Variants in SLC35F1 observed in about 807,000 individuals in gnomAD.
The protein encoded by SLC35F1 is chromosome 6 open reading frame 169.
A neutral mutation model predicts 48.7 loss-of-function variants in SLC35F1; 14 were observed. The observed-to-expected ratio is 0.29, with a 90% CI of 0.19 to 0.45. The LOEUF (loss-of-function observed/expected upper bound fraction) is 0.45, where lower values mean the gene tolerates loss of function less well. SLC35F1 is among the 20% of genes least tolerant of loss of function. The pLI is 1.00. For missense variants in SLC35F1, 404 were observed against 500.0 expected (o/e 0.81, Z 1.83); for synonymous variants, 190 against 202.2 (o/e 0.94, Z 0.51).
intron 2 of SLC35F1, among the ~76,000 whole-genome samples, chr6:118,163,684 TG>T (rs1774274654): frequency 6.6e-6 from 1 of 152,190 alleles, no homozygotes; most frequent in African/African-American, 2.4e-5. Flanking sequence ...ATCTTTCATG[TG>T]GGAGATTGAA....
intron 1 of SLC35F1, among the ~76,000 whole-genome samples, chr6:118,080,603 G>C (rs1772893628): frequency 6.6e-6 from 1 of 152,214 alleles, no homozygotes; most frequent in African/African-American, 2.4e-5. Context: ...TGGCTTTGCT[G>C]TGACCTTAAT....
At chr6:118,257,311 G>GA (rs780626268) in intron 3 of SLC35F1, among the ~76,000 whole-genome samples, 20 of 151,042 alleles carry the variant, frequency 1.3e-4, no homozygotes, top group Non-Finnish European at 1.5e-4. Context: ...AAGTTTTGAG[G>GA]AAAAAAAAAC....
At chr6:117,980,187 A>G (rs928682478) in intron 1 of SLC35F1, among the ~76,000 whole-genome samples, 2 of 152,146 alleles carry the variant, frequency 1.3e-5, no homozygotes, top group Non-Finnish European at 2.9e-5. Flanking sequence ...GAGGGGGGAA[A>G]CTTCAGAAAT....
rs560042261 is a variant in SLC35F1 at position 118,087,945 on chromosome 6, G to C, written c.174-66500G>C. Among the ~76,000 whole-genome samples the C allele has an allele frequency of 3.8e-4, 58 of 152,252 alleles. 1 individual carries two copies. The highest frequency in any genetic ancestry group is 3.2e-3 in the Admixed American group (49 of 15,290). ...TGGTTTGGACCCAGAAACTGCTCAA[G>C]AAATACTGAATTGGTTTGAATCTTC... On this transcript the variant is annotated intron_variant, in intron 1 of 7. Coordinates refer to ENST00000360388, the MANE Select transcript of SLC35F1 (RefSeq NM_001029858.4).
intron 7 of SLC35F1, among the ~76,000 whole-genome samples, chr6:118,299,307 T>A: frequency 6.6e-6 from 1 of 152,158 alleles, no homozygotes; most frequent in East Asian, 1.9e-4. Context: ...ATGTAAACGT[T>A]TCCAAGGGCA....
intron 6 of SLC35F1, among the ~76,000 whole-genome samples, chr6:118,282,594 T>A (rs1258547039): frequency 6.6e-6 from 1 of 152,180 alleles, no homozygotes; most frequent in East Asian, 1.9e-4. Flanking sequence ...ACTGGACAGA[T>A]CCTTTTGGAT....
At chr6:118,162,348 A>G (rs1774248857) in intron 2 of SLC35F1, among the ~76,000 whole-genome samples, 1 of 152,188 alleles carries the variant, frequency 6.6e-6, no homozygotes, top group Non-Finnish European at 1.5e-5. Context: ...AGAATAGATC[A>G]GTGGTTTCCA....
At chr6:118,088,924 T>A (rs952934998) in intron 1 of SLC35F1, among the ~76,000 whole-genome samples, 3 of 152,186 alleles carry the variant, frequency 2.0e-5, no homozygotes, top group African/African-American at 7.2e-5. Flanking sequence ...GTAACTTAAG[T>A]AAGGACACCC....
chr6:118,293,787 T>C (rs1409005077), intron 7 of SLC35F1, among the ~76,000 whole-genome samples: 3 of 152,232 alleles, frequency 2.0e-5, no homozygotes, highest in African/African-American at 7.2e-5. Context: ...TTCAGGTATC[T>C]TGCTAGTATG....
intron 1 of SLC35F1, among the ~76,000 whole-genome samples, chr6:118,066,403 A>T (rs1772614089): frequency 6.6e-6 from 1 of 152,166 alleles, no homozygotes; most frequent in Non-Finnish European, 1.5e-5. Flanking sequence ...GCTCCAAGCT[A>T]TGGTCAGTAA....
At chr6:118,062,100 A>G (rs926485059) in intron 1 of SLC35F1, among the ~76,000 whole-genome samples, 2 of 152,144 alleles carry the variant, frequency 1.3e-5, no homozygotes, top group African/African-American at 4.8e-5. Flanking sequence ...ATTCATATGT[A>G]TATAACATTT....
chr6:118,163,198 A>C (rs936181270), intron 2 of SLC35F1, among the ~76,000 whole-genome samples: 1 of 151,974 alleles, frequency 6.6e-6, no homozygotes, highest in African/African-American at 2.4e-5. Context: ...TCCTGACCTC[A>C]AATGATCCAC....
chr6:118,302,306 C>T (rs920762166), intron 7 of SLC35F1, among the ~76,000 whole-genome samples: 5 of 152,130 alleles, frequency 3.3e-5, no homozygotes, highest in African/African-American at 9.6e-5. Flanking sequence ...GGGAAGGAAA[C>T]GCATGGGAGA....
At chr6:118,010,341 G>C (rs1777228094) in intron 1 of SLC35F1, among the ~76,000 whole-genome samples, 1 of 152,128 alleles carries the variant, frequency 6.6e-6, no homozygotes, top group South Asian at 2.1e-4. Context: ...TGTCTGCTCA[G>C]TTAGAGATGA....
intron 1 of SLC35F1, among the ~76,000 whole-genome samples, chr6:118,138,686 G>A (rs13210032): frequency 0.23 from 33,470 of 146,550 alleles, 4,119 homozygotes; most frequent in East Asian, 0.39. Flanking sequence ...ATTTTACATG[G>A]TGCACCTTGA....
intron 6 of SLC35F1, among the ~76,000 whole-genome samples, chr6:118,279,104 A>ATT (rs974855597): frequency 1.7e-4 from 26 of 152,204 alleles, no homozygotes; most frequent in African/African-American, 6.0e-4. Flanking sequence ...AGTAGGGTGA[A>ATT]TTTAGTTAAC....
At chr6:118,098,627 T>A (rs192863432) in intron 1 of SLC35F1, among the ~76,000 whole-genome samples, 9 of 152,286 alleles carry the variant, frequency 5.9e-5, no homozygotes, top group African/African-American at 1.9e-4. Context: ...TGTGTGCAGC[T>A]TACACCTTGC....
intron 2 of SLC35F1, among the ~76,000 whole-genome samples, chr6:118,224,551 T>C (rs980143781): frequency 6.6e-5 from 10 of 152,208 alleles, no homozygotes; most frequent in Admixed American, 4.6e-4. Flanking sequence ...CACTCATTTA[T>C]TTCTTACAAA....
intron 1 of SLC35F1, among the ~76,000 whole-genome samples, chr6:118,085,723 A>G (rs1207623599): frequency 2.7e-5 from 4 of 148,724 alleles, no homozygotes; most frequent in Non-Finnish European, 6.0e-5. Flanking sequence ...TAAATTAATT[A>G]TGATTATGTG....
Sources: gnomAD v4.1 joint callset for allele counts (sites outside exome capture counted in the v4.1 genomes callset) on GRCh38, gnomAD v4.1.1 for gene constraint, MANE v1.5 for transcripts, NCBI Gene and HGNC (gene_info 2026-07-23, HGNC 2026-07-21) for gene names.